The following RC3H2 variants were observed in gnomAD, a reference collection of about 807,000 sequenced individuals.
RC3H2 encodes ring finger and CCCH-type domains 2.
Under a neutral mutation model 133.3 loss-of-function variants are expected in RC3H2, and 31 were observed. The observed-to-expected ratio is 0.23, with a 90% CI of 0.17 to 0.31. The LOEUF (loss-of-function observed/expected upper bound fraction) is 0.31. RC3H2 is among the 10% of genes least tolerant of loss of function. The probability of loss-of-function intolerance (pLI) is 1.00; values close to 1 mark genes in which losing one functional copy is unlikely to be tolerated. For missense variants in RC3H2, 1,175 were observed against 1,437.2 expected, an observed-to-expected ratio of 0.82 and a Z score of 2.95; for synonymous variants, 517 against 502.2, an observed-to-expected ratio of 1.03 and a Z score of -0.40.
chr9:122,873,605 C>G (rs1008610190), intron 9 of RC3H2, among the ~76,000 whole-genome samples: 1 of 151,410 alleles, frequency 6.6e-6, no homozygotes, highest in East Asian at 1.9e-4. Context: ...CCCAGCTACT[C>G]GAGAGGCTGA....
At chr9:122,899,979 G>A (rs1407785395) in intron 1 of RC3H2, among the ~76,000 whole-genome samples, 3 of 152,164 alleles carry the variant, frequency 2.0e-5, no homozygotes, top group Non-Finnish European at 4.4e-5. Flanking sequence ...GCACATAAGT[G>A]TGGGGCTTGG....
rs373061909 is a variant in RC3H2, at chr9:122,854,091, A to G, written c.2983-5T>C. On this transcript the variant is annotated splice_region_variant and splice_polypyrimidine_tract_variant and intron_variant, in intron 17 of 20. Transcript: ENST00000357244. Reference sequence around the variant, plus strand: ...AAGTAATGAGTTGCTCTTGGCCTATATGAGGAGGGAAAAAAAGAAAAGTTA... The same window carrying G: ...AAGTAATGAGTTGCTCTTGGCCTATGTGAGGAGGGAAAAAAAGAAAAGTTA... 27 of 1,612,976 alleles carry G rather than the reference A, an allele frequency of 1.7e-5. No individual in the cohort carries two copies. Among genetic ancestry groups the G allele is most frequent in the Non-Finnish European group, 2.3e-5 (27 of 1,179,742 alleles).
chr9:122,895,387 C>CT (rs1404797009), intron 2 of RC3H2, among the ~76,000 whole-genome samples: 8 of 134,240 alleles, frequency 6.0e-5, no homozygotes, highest in African/African-American at 2.0e-4. Context: ...AGGCTAGTCT[C>CT]GAACTCCTGG....
intron 10 of RC3H2, 40 bp from the exon 11 acceptor site, chr9:122,860,171 T>G: frequency 7.2e-7 from 1 of 1,397,538 alleles, no homozygotes; most frequent in Non-Finnish European, 1.0e-6. Flanking sequence ...GAGAAATCAC[T>G]GTCTATGACT....
intron 9 of RC3H2, among the ~76,000 whole-genome samples, chr9:122,867,674 C>T (rs1588072821): frequency 8.6e-6 from 1 of 115,990 alleles, no homozygotes; most frequent in Non-Finnish European, 1.9e-5. Context: ...CTTTGCCCCA[C>T]CGCCCCGTCT....
chr9:122,901,723 C>G lies in RC3H2; in HGVS notation c.-68+3387G>C, dbSNP rs1832657381. Among the ~76,000 whole-genome samples, 4 of 150,592 alleles carry G rather than the reference C, an allele frequency of 2.7e-5. No individual in the cohort carries two copies. The South Asian group carries it at 6.3e-4, about 24-fold the overall frequency. ...TCTCCTGCCTCAGCCTCCTGAGTAG[C>G]TGGGATTACAAGTGCGCACCACCAT... On this transcript the variant is annotated intron_variant, in intron 1 of 20. Coordinates refer to ENST00000357244, the MANE Select transcript of RC3H2 (RefSeq NM_001100588.3).
rs1010577803 is a variant in RC3H2, at chr9:122,905,063, G to GCACC, written c.-68+43_-68+46dup. 4.1e-6 allele frequency: 4 copies of GCACC among 982,688 alleles called. No individual in the cohort carries two copies. In the Admixed American group the frequency reaches 2.5e-4, roughly 60 times the overall value. 60.9% of individuals were successfully genotyped at this position (982,688 alleles called of 1,614,324 possible). A position where few individuals can be genotyped will look rare whatever the true frequency, so the allele number is the denominator to read the frequency against. ...CTCCCGCCCGACCGCCGGGGACCAG[G>GCACC]CACCCGGGCTGGGGCCCGAGCCGCA... On this transcript the variant is annotated intron_variant, in intron 1 of 20. Transcript: ENST00000357244.
In RC3H2 at chr9:122,871,359, G is replaced by A. The variant is rs148135666; in HGVS notation, c.1326-5702C>T. ...GTTGCCCAGGCTGGAGTGCAGTGGC[G>A]CAATCTCAGCTCACTGCAAGCTCCA... is the stretch of plus-strand genomic sequence containing the variant. On this transcript the variant is annotated intron_variant, in intron 9 of 20. Transcript: ENST00000357244. 4.9e-3 allele frequency among the ~76,000 whole-genome samples: 746 copies of A among 151,466 alleles called. 3 individuals carry two copies. In the East Asian group the frequency reaches 0.05, roughly 10 times the overall value.
At chr9:122,871,303 CT>C (rs984808700) in intron 9 of RC3H2, among the ~76,000 whole-genome samples, 137 of 146,348 alleles carry the variant, frequency 9.4e-4, no homozygotes, top group Middle Eastern at 3.5e-3. Flanking sequence ...GTTGTATCTT[CT>C]TTTTTTTTTT....
At chr9:122,870,192 T>C (rs560995680) in intron 9 of RC3H2, among the ~76,000 whole-genome samples, 23 of 151,966 alleles carry the variant, frequency 1.5e-4, no homozygotes, top group African/African-American at 5.5e-4. Context: ...CTGGCCAACA[T>C]GGTGAAACCC....
intron 4 of RC3H2, among the ~76,000 whole-genome samples, chr9:122,887,761 T>C (rs1831985237): frequency 6.6e-6 from 1 of 150,834 alleles, no homozygotes; most frequent in Non-Finnish European, 1.5e-5. Context: ...TTTTTTTTTT[T>C]TGAGATGGAG....
Position 122,845,954 on chromosome 9 carries a change from T to C in RC3H2, c.*3673A>G, listed in dbSNP as rs533040311. 83 of 152,344 alleles carry C rather than the reference T, an allele frequency of 5.4e-4. No individual in the cohort carries two copies. Among genetic ancestry groups the C allele is most frequent in the African/African-American group, 1.9e-3 (80 of 41,584 alleles). The allele number at this position is 152,344 out of a possible 1,614,324, so 9.4% of individuals were successfully genotyped here. A position where few individuals can be genotyped will look rare whatever the true frequency, so the allele number is the denominator to read the frequency against. The stretch of plus-strand genomic sequence containing the variant: ...TGCTCCAAAAATGACTCAAAGAAGA[T>C]AGGGAAGAAATACTCAGATTCAAAG... On this transcript the variant is annotated 3_prime_UTR_variant, in exon 21 of 21. Coordinates refer to ENST00000357244, the MANE Select transcript of RC3H2 (RefSeq NM_001100588.3).
At chr9:122,895,702 GAAGT>G (rs1832388351) in intron 2 of RC3H2, among the ~76,000 whole-genome samples, 1 of 152,146 alleles carries the variant, frequency 6.6e-6, no homozygotes, top group Admixed American at 6.5e-5. Flanking sequence ...AGGAATGAAT[GAAGT>G]ATTTTGGTTT....
intron 18 of RC3H2, among the ~76,000 whole-genome samples, chr9:122,852,311 G>A (rs1172141249): frequency 6.7e-5 from 10 of 149,698 alleles, no homozygotes; most frequent in East Asian, 4.0e-4. Flanking sequence ...CAGCCGCCCC[G>A]TCTGAGAAGT....
Position 122,905,150 on chromosome 9 carries a change from G to A in RC3H2, c.-108C>T. 1.0e-6 allele frequency: 1 copy of A among 985,466 alleles called. No homozygotes were observed. Among genetic ancestry groups the A allele is most frequent in the Non-Finnish European group, 1.2e-6 (1 of 829,948 alleles). The allele number at this position is 985,466 out of a possible 1,614,324, so 61.0% of individuals were successfully genotyped here. On this transcript the variant is annotated 5_prime_UTR_variant, in exon 1 of 21. Transcript: ENST00000357244. The stretch of plus-strand genomic sequence containing the variant: ...CGGGGTCGCTAAGGGCCGCTCCCGG[G>A]AGCCCCGCGACGGCGCGGCTTGGCG...
intron 9 of RC3H2, chr9:122,875,119 T>C (rs1831275028): frequency 4.2e-6 from 6 of 1,432,062 alleles, no homozygotes; most frequent in South Asian, 3.3e-5. Context: ...TGAAATTCTG[T>C]ATATAGAACT....
intron 1 of RC3H2, among the ~76,000 whole-genome samples, chr9:122,903,709 A>G (rs1376903864): frequency 1.3e-5 from 2 of 152,220 alleles, no homozygotes; most frequent in African/African-American, 4.8e-5. Flanking sequence ...CTGTCCTCCT[A>G]GCAATTTTCC....
At chr9:122,852,810 G>A (rs1399105241) in intron 18 of RC3H2, among the ~76,000 whole-genome samples, 5 of 151,660 alleles carry the variant, frequency 3.3e-5, no homozygotes, top group African/African-American at 9.7e-5. Context: ...GGTGAGGGGC[G>A]CCTCTGCCCG....
Position 122,896,061 on chromosome 9 carries a change from T to C in RC3H2, c.231+1218A>G, listed in dbSNP as rs142879820. On this transcript the variant is annotated intron_variant, in intron 2 of 20. Transcript: ENST00000357244. The stretch of plus-strand genomic sequence containing the variant: ...GTCTTTTGGCTTCCGTGGGCCATAC[T>C]GGAAGAATTGTCTTGGGCCACACAT... 3.5e-3 allele frequency among the ~76,000 whole-genome samples: 525 copies of C among 150,172 alleles called. 3 individuals are homozygous for C. Among genetic ancestry groups the C allele is most frequent in the African/African-American group, 0.012 (498 of 40,306 alleles).
Sources: allele counts gnomAD v4.1 joint callset (sites outside exome capture counted in the v4.1 genomes callset), GRCh38; gene constraint gnomAD v4.1.1; transcripts MANE v1.5; gene names NCBI Gene and HGNC (gene_info 2026-07-23, HGNC 2026-07-21).